The following CDC42BPA variants were observed in gnomAD, a reference collection of about 807,000 sequenced individuals.
The protein encoded by CDC42BPA is serine/threonine-protein kinase MRCK alpha.
A neutral mutation model predicts 223.5 loss-of-function variants in CDC42BPA; 80 were observed. The observed-to-expected ratio is 0.36, with a 90% CI of 0.30 to 0.43. The LOEUF (loss-of-function observed/expected upper bound fraction) is 0.43, where lower values mean the gene tolerates loss of function less well. Among genes scored for constraint, CDC42BPA ranks in the 20% least tolerant of loss-of-function variants. The pLI, the probability that CDC42BPA is intolerant of heterozygous loss-of-function variation, is 1.00. For synonymous variants in CDC42BPA, 694 were observed against 718.6 expected (o/e 0.97, Z 0.55); for missense variants, 1,743 against 2,099.9 (o/e 0.83, Z 3.32).
At chr1:227,099,186 G>A (rs955760577) in intron 15 of CDC42BPA, among the ~76,000 whole-genome samples, 1 of 151,956 alleles carries the variant, frequency 6.6e-6, no homozygotes, top group Non-Finnish European at 1.5e-5. Context: ...TGTGTTACTG[G>A]TTTATATATT....
At chr1:227,248,570 T>A (rs775475980) in intron 2 of CDC42BPA, among the ~76,000 whole-genome samples, 2 of 152,178 alleles carry the variant, frequency 1.3e-5, no homozygotes, top group Non-Finnish European at 2.9e-5. Context: ...AAGTAAAAGA[T>A]GTCTACAGTG....
chr1:227,317,220 T>C lies in CDC42BPA; in HGVS notation c.-38A>G, dbSNP rs563092561. On this transcript the variant is annotated 5_prime_UTR_variant, in exon 1 of 37. It adds an upstream start codon to the 5' untranslated region. Transcript: ENST00000366766. ...TTCTGCTGGTTTTCCTTTAAATTAT[T>C]ATGATGACTTTTACTATTATCTGAA... The C allele has an allele frequency of 1.0e-5, 16 of 1,579,428 alleles. No individual in the cohort carries two copies. Among genetic ancestry groups the C allele is most frequent in the Non-Finnish European group, 1.4e-5 (16 of 1,163,730 alleles).
At chr1:227,180,473 C>G (rs375374234) in intron 5 of CDC42BPA, 1 of 152,192 alleles carries the variant, frequency 6.6e-6, no homozygotes, top group South Asian at 2.1e-4. Context: ...CAGCAATGAC[C>G]CTTCTCAATC....
chr1:227,006,257 A>G (rs1437802752), intron 34 of CDC42BPA, among the ~76,000 whole-genome samples: 1 of 152,184 alleles, frequency 6.6e-6, no homozygotes, highest in Non-Finnish European at 1.5e-5. Flanking sequence ...TTTCTTTCAT[A>G]GCTACAAAAA....
intron 2 of CDC42BPA, among the ~76,000 whole-genome samples, chr1:227,233,203 AT>A (rs1268563933): frequency 6.6e-6 from 1 of 151,870 alleles, no homozygotes; most frequent in African/African-American, 2.4e-5. Context: ...TTTTATTTTT[AT>A]TTTTATTTTA....
chr1:227,027,364 C>G (rs1420162098), intron 30 of CDC42BPA, among the ~76,000 whole-genome samples: 1 of 152,140 alleles, frequency 6.6e-6, no homozygotes, highest in Non-Finnish European at 1.5e-5. Flanking sequence ...TTAAACTTGA[C>G]TAGACCCATA....
chr1:227,211,603 A>G (rs1279668904), intron 3 of CDC42BPA, among the ~76,000 whole-genome samples: 1 of 152,162 alleles, frequency 6.6e-6, no homozygotes, highest in African/African-American at 2.4e-5. Context: ...TAAATATATG[A>G]AATCTTATCT....
intron 17 of CDC42BPA, 39 bp downstream of exon 17, chr1:227,080,854 C>A: frequency 6.2e-7 from 1 of 1,610,646 alleles, no homozygotes; most frequent in South Asian, 1.1e-5. Context: ...GCCACATACT[C>A]ACAATCATCC....
intron 16 of CDC42BPA, among the ~76,000 whole-genome samples, chr1:227,083,315 T>C (rs1173073360): frequency 6.6e-6 from 1 of 152,182 alleles, no homozygotes; most frequent in Non-Finnish European, 1.5e-5. Flanking sequence ...TTTTCTTTGT[T>C]TCTCTCCAAT....
intron 5 of CDC42BPA, among the ~76,000 whole-genome samples, chr1:227,176,280 C>A (rs192099533): frequency 1.3e-5 from 2 of 152,044 alleles, no homozygotes; most frequent in South Asian, 4.1e-4. Context: ...TTCAAATTCA[C>A]GACATTAGGG....
At chr1:227,021,762 G>A (rs1268964751) in intron 32 of CDC42BPA, among the ~76,000 whole-genome samples, 1 of 151,992 alleles carries the variant, frequency 6.6e-6, no homozygotes, top group Non-Finnish European at 1.5e-5. Flanking sequence ...GCTCACGCCT[G>A]TAATCCCAGC....
At chr1:227,138,218 G>C (rs182847797) in intron 10 of CDC42BPA, among the ~76,000 whole-genome samples, 3 of 152,106 alleles carry the variant, frequency 2.0e-5, no homozygotes, top group African/African-American at 7.2e-5. Flanking sequence ...AAAAGTTCCT[G>C]ATTATTTGTC....
intron 1 of CDC42BPA, among the ~76,000 whole-genome samples, chr1:227,267,752 C>G (rs976683610): frequency 6.6e-6 from 1 of 152,184 alleles, no homozygotes; most frequent in Non-Finnish European, 1.5e-5. Context: ...GGCAATGCCA[C>G]TTTTAAAACC....
At chr1:227,233,825 C>G (rs1378393467) in intron 2 of CDC42BPA, among the ~76,000 whole-genome samples, 1 of 151,978 alleles carries the variant, frequency 6.6e-6, no homozygotes, top group Non-Finnish European at 1.5e-5. Flanking sequence ...CCCAGCTACT[C>G]AGGAGGCTGA....
chr1:227,010,915 C>T (rs751526218), intron 34 of CDC42BPA: 34 of 1,364,762 alleles, frequency 2.5e-5, no homozygotes, highest in Admixed American at 5.7e-5. Flanking sequence ...AGGGACAGAG[C>T]GCAGAGACGG....
At chr1:227,001,182 T>C (rs1662762073) in intron 35 of CDC42BPA, among the ~76,000 whole-genome samples, 1 of 152,250 alleles carries the variant, frequency 6.6e-6, no homozygotes, top group African/African-American at 2.4e-5. Context: ...CTGTAGAGAC[T>C]GAACATAGTT....
At chr1:227,136,432 C>G (rs926168648) in intron 10 of CDC42BPA, among the ~76,000 whole-genome samples, 1 of 152,074 alleles carries the variant, frequency 6.6e-6, no homozygotes, top group Non-Finnish European at 1.5e-5. Flanking sequence ...ATTACAGTCC[C>G]AGAAGGAGAG....
chr1:227,043,479 T>C (rs1354902318), intron 23 of CDC42BPA, among the ~76,000 whole-genome samples: 1 of 152,042 alleles, frequency 6.6e-6, no homozygotes, highest in Non-Finnish European at 1.5e-5. Context: ...AAAATTTCTA[T>C]TTTGAGATAA....
chr1:227,191,345 C>CA (rs71281008), intron 5 of CDC42BPA, among the ~76,000 whole-genome samples: 6 of 136,246 alleles, frequency 4.4e-5, no homozygotes, highest in Admixed American at 2.2e-4. Flanking sequence ...AACTCTGTCT[C>CA]AAAAAAAAGA....
Sources: gnomAD v4.1 joint callset for allele counts (sites outside exome capture counted in the v4.1 genomes callset) on GRCh38, gnomAD v4.1.1 for gene constraint, MANE v1.5 for transcripts, NCBI Gene and HGNC (gene_info 2026-07-23, HGNC 2026-07-21) for gene names.